The following BNIP5 variants were observed in gnomAD, a reference collection of about 807,000 sequenced individuals.
The protein encoded by BNIP5 is protein BNIP5.
A neutral mutation model predicts 67.3 loss-of-function variants in BNIP5; 61 were observed. The ratio of observed to expected loss-of-function variants is 0.91; its 90% CI spans 0.74 to 1.12. The LOEUF (loss-of-function observed/expected upper bound fraction) is 1.12, where lower values mean the gene tolerates loss of function less well. Ranked by LOEUF, BNIP5 falls within the 50% of genes most tolerant of loss-of-function variation. The pLI is 0.00. For missense variants in BNIP5, 826 were observed against 816.3 expected, an observed-to-expected ratio of 1.01 and a Z score of -0.14; for synonymous variants, 317 against 319.0, an observed-to-expected ratio of 0.99 and a Z score of 0.07.
chr6:36,334,709 C>T (rs899871582), intron 1 of BNIP5, among the ~76,000 whole-genome samples: 4 of 152,216 alleles, frequency 2.6e-5, no homozygotes, highest in African/African-American at 7.2e-5. Flanking sequence ...TCCTAATAAC[C>T]TCCCCTTTCC....
intron 10 of BNIP5, 53 bp downstream of exon 10, chr6:36,321,102 G>GATCTCAGCT: frequency 1.6e-6 from 2 of 1,233,930 alleles, no homozygotes; most frequent in Non-Finnish European, 2.3e-6. Flanking sequence ...ATGGAACCCA[G>GATCTCAGCT]GTGGGTAGAT....
intron 2 of BNIP5, 127 bp from the exon 3 acceptor site, chr6:36,328,841 AG>A: frequency 1.4e-6 from 1 of 700,396 alleles, no homozygotes; most frequent in Admixed American, 2.0e-5. Context: ...GTGCTGCTGC[AG>A]CCCGCTCTAG....
At chr6:36,323,566 C>T (rs1561882643) in intron 7 of BNIP5, 33 bp from the exon 8 acceptor site, 2 of 1,612,250 alleles carry the variant, frequency 1.2e-6, no homozygotes, top group East Asian at 2.2e-5. Context: ...TGAGTCAGGG[C>T]CCCTGACCTT....
intron 11 of BNIP5, among the ~76,000 whole-genome samples, chr6:36,317,810 GAAT>G: frequency 9.3e-6 from 1 of 107,814 alleles, no homozygotes; most frequent in South Asian, 2.9e-4. Flanking sequence ...CCAGTTAAAT[GAAT>G]GAATGAATGA....
chr6:36,330,739 TTTTGA>T (rs1771886706), intron 1 of BNIP5, 45 bp from the exon 2 acceptor site: 7 of 1,511,176 alleles, frequency 4.6e-6, no homozygotes, highest in Non-Finnish European at 6.1e-6. Context: ...TGTTTGTTTG[TTTTGA>T]TTTGTTTGTT....
chr6:36,330,469 T>C lies in BNIP5; in HGVS notation c.222A>G (p.Ala74=). 6.2e-7 allele frequency: 1 copy of C among 1,614,200 alleles called. No homozygotes were observed. Among genetic ancestry groups the C allele is most frequent in the Non-Finnish European group, 8.5e-7 (1 of 1,180,040 alleles). ...PSAEAHCTTA[A]APTPEETGDF... ...CTCCGGTCTCCTCGGGAGTGGGGGC[T>C]GCAGCGGTGGTGCAGTGAGCCTCTG... The change falls in exon 2 of 12, where the codon GCA becomes GCG. Residue 74 remains alanine (A), a synonymous_variant. Coordinates refer to ENST00000437635, the MANE Select transcript of BNIP5 (RefSeq NM_001010903.5).
intron 7 of BNIP5, 28 bp from the exon 8 acceptor site, chr6:36,323,561 C>A: frequency 6.2e-7 from 1 of 1,612,956 alleles, no homozygotes; most frequent in South Asian, 1.1e-5. Context: ...GAAACTGAGT[C>A]AGGGCCCCTG....
rs367990419 is a variant in BNIP5, at chr6:36,325,326, C to T, written c.1125G>A (p.Gln375=). Residue 375 remains glutamine (Q), a synonymous_variant, in exon 6 of 12, where the codon CAG becomes CAA. Transcript: ENST00000437635. ...CCAGCGGAAGCTCCTCTCCAGGTTC[C>T]TGGCTCTCTGATGGGGTGGGAAGCA... ...PSVLPTPSES[Q]EPGEELPLDR... is the part of the protein sequence containing the mutation. 3.1e-5 allele frequency: 50 copies of T among 1,614,094 alleles called. No individual in the cohort carries two copies. The African/African-American group carries it at 6.4e-4, about 21-fold the overall frequency.
intron 11 of BNIP5, among the ~76,000 whole-genome samples, chr6:36,318,599 G>A (rs59109454): frequency 3.9e-4 from 59 of 152,008 alleles, no homozygotes; most frequent in African/African-American, 1.3e-3. Flanking sequence ...GCATGCTCCT[G>A]TAGTCCCAGC....
At chr6:36,322,197 G>A in intron 9 of BNIP5, 114 bp downstream of exon 9, 3 of 1,368,712 alleles carry the variant, frequency 2.2e-6, no homozygotes, top group Non-Finnish European at 3.1e-6. Context: ...TGGGGTCTTT[G>A]CCTGCTGCCT....
intron 9 of BNIP5, 106 bp from the exon 10 acceptor site, chr6:36,321,325 T>C: frequency 1.2e-6 from 1 of 816,768 alleles, no homozygotes; most frequent in South Asian, 1.5e-5. Flanking sequence ...AAGACAATAT[T>C]TTCTCTCTAA....
chr6:36,325,389 C>CT lies in BNIP5; in HGVS notation c.1061dup (p.Ala355GlyfsTer92), dbSNP rs1771739171. 9 of 1,612,862 alleles carry CT rather than the reference C, an allele frequency of 5.6e-6. No individual in the cohort carries two copies. Among genetic ancestry groups the CT allele is most frequent in the Non-Finnish European group, 3.4e-6 (4 of 1,179,644 alleles). ...GAGCCCCAGCCTCTGTAGATGGGGC[C>CT]TCCTGGACTTTAGGTTCTTCCAAGC... is the stretch of plus-strand genomic sequence containing the variant. On this transcript the variant is annotated frameshift_variant, in exon 6 of 12. Transcript: ENST00000437635. LOFTEE classifies it high-confidence loss of function.
At chr6:36,318,718 G>A (rs1048058707) in intron 11 of BNIP5, among the ~76,000 whole-genome samples, 7 of 151,944 alleles carry the variant, frequency 4.6e-5, no homozygotes, top group Non-Finnish European at 8.8e-5. Context: ...GCAAGACCCT[G>A]TCTCAAAAAA....
At chr6:36,322,188 G>A in intron 9 of BNIP5, 123 bp downstream of exon 9, 1 of 1,260,276 alleles carries the variant, frequency 7.9e-7, no homozygotes, top group Non-Finnish European at 1.2e-6. Flanking sequence ...AGAGTCTCCT[G>A]GGGTCTTTGC....
rs745500684 is a variant in BNIP5, at chr6:36,316,660, T to C, written c.*696A>G. The C allele has an allele frequency of 5.0e-6, 2 of 398,554 alleles. No homozygotes were observed. The highest frequency in any genetic ancestry group is 8.8e-6 in the Non-Finnish European group (2 of 226,092). The allele number at this position is 398,554 out of a possible 1,614,324, so 24.7% of individuals were successfully genotyped here. On this transcript the variant is annotated 3_prime_UTR_variant, in exon 12 of 12. Transcript: ENST00000437635. ...CATGGCACTAGGTAATTTTCAGAAC[T>C]CTTCACATCCATTTTCTCACTGACT...
At chr6:36,320,872 T>C (rs1446182818) in intron 10 of BNIP5, among the ~76,000 whole-genome samples, 3 of 152,186 alleles carry the variant, frequency 2.0e-5, no homozygotes, top group Admixed American at 6.5e-5. Context: ...CGAACTTCAA[T>C]AGCTGATTTG....
chr6:36,335,157 A>T (rs547472802), intron 1 of BNIP5, among the ~76,000 whole-genome samples: 19 of 152,212 alleles, frequency 1.2e-4, no homozygotes, highest in Non-Finnish European at 1.9e-4. Context: ...GCCTTCCCCA[A>T]GCTTGCTGCT....
At chr6:36,328,229 A>G (rs1771807210) in intron 3 of BNIP5, among the ~76,000 whole-genome samples, 1 of 152,256 alleles carries the variant, frequency 6.6e-6, no homozygotes, top group Non-Finnish European at 1.5e-5. Context: ...GAGTGTAAAC[A>G]ACTATAAGTA....
At chr6:36,323,707 G>A (rs1216630921) in intron 7 of BNIP5, among the ~76,000 whole-genome samples, 174 bp from the exon 8 acceptor site, 1 of 152,102 alleles carries the variant, frequency 6.6e-6, no homozygotes, top group Non-Finnish European at 1.5e-5. Flanking sequence ...GCTTCAAGAA[G>A]GAGGGACTGG....
Sources: gnomAD v4.1 joint callset for allele counts (sites outside exome capture counted in the v4.1 genomes callset) on GRCh38, gnomAD v4.1.1 for gene constraint, MANE v1.5 for transcripts, NCBI Gene and HGNC (gene_info 2026-07-23, HGNC 2026-07-21) for gene names.